KLHL1: variants seen among roughly 807,000 people sequenced by gnomAD.
KLHL1 encodes the protein kelch like family member 1.
Under a neutral mutation model 77.7 loss-of-function variants are expected in KLHL1, and 47 were observed. That is an observed-to-expected ratio of 0.60 (90% CI 0.48 to 0.77). The LOEUF is 0.77. Ranked by LOEUF, KLHL1 falls within the 30% of genes least tolerant of loss-of-function variation. KLHL1 has a pLI of 0.00. For synonymous variants in KLHL1, 360 were observed against 325.2 expected (o/e 1.11, Z -1.15); for missense variants, 925 against 910.8 (o/e 1.02, Z -0.20).
At chr13:70,097,330 C>A (rs1046126231) in intron 1 of KLHL1, among the ~76,000 whole-genome samples, 1 of 151,934 alleles carries the variant, frequency 6.6e-6, no homozygotes, top group Non-Finnish European at 1.5e-5. Flanking sequence ...AGGAAAACTT[C>A]TTTTCTTTGA....
At chr13:69,778,233 T>C (rs1875934740) in intron 7 of KLHL1, among the ~76,000 whole-genome samples, 1 of 152,096 alleles carries the variant, frequency 6.6e-6, no homozygotes, top group Non-Finnish European at 1.5e-5. Flanking sequence ...GTTAGTTATA[T>C]AATCTACGAT....
At chr13:70,070,031 G>A (rs1229783818) in intron 1 of KLHL1, among the ~76,000 whole-genome samples, 1 of 151,964 alleles carries the variant, frequency 6.6e-6, no homozygotes, top group Non-Finnish European at 1.5e-5. Context: ...AGCTGGGTGT[G>A]GTGGCGGGCA....
At chr13:69,734,403 T>C (rs1180978802) in intron 8 of KLHL1, among the ~76,000 whole-genome samples, 1 of 152,150 alleles carries the variant, frequency 6.6e-6, no homozygotes, top group Non-Finnish European at 1.5e-5. Flanking sequence ...CGGGTATTTC[T>C]TTATAGCAAT....
At chr13:69,988,100 A>G (rs977196862) in intron 1 of KLHL1, among the ~76,000 whole-genome samples, 10 of 149,510 alleles carry the variant, frequency 6.7e-5, no homozygotes, top group Admixed American at 1.3e-4. Flanking sequence ...GGCGGGGGGA[A>G]CCTCTCCTTC....
chr13:69,878,726 AGAGAGAGAGT>A (rs1566356795), intron 5 of KLHL1, among the ~76,000 whole-genome samples: 4 of 151,912 alleles, frequency 2.6e-5, no homozygotes, highest in African/African-American at 9.7e-5. Flanking sequence ...AGAGAGAGAG[AGAGAGAGAGT>A]GAGAGAGAGA....
chr13:69,818,216 C>T (rs951565939), intron 6 of KLHL1, among the ~76,000 whole-genome samples: 10 of 129,018 alleles, frequency 7.8e-5, no homozygotes, highest in African/African-American at 2.9e-4. Context: ...AACTCATAGG[C>T]ATCTTTTTTT....
rs1416528091 is a variant in KLHL1, at chr13:69,961,365, T to C, written c.760A>G (p.Lys254Glu). The C allele has an allele frequency of 2.5e-6, 4 of 1,613,224 alleles. No homozygotes were observed. The highest frequency in any genetic ancestry group is 3.4e-6 in the Non-Finnish European group (4 of 1,179,444). Residue 254 changes from lysine (K) to glutamate (E), a missense_variant, in exon 3 of 11, where the codon AAA becomes GAA. Coordinates refer to ENST00000377844, the MANE Select transcript of KLHL1 (RefSeq NM_020866.3). ...GCATTGGGGTCTATGCCTTCCATTT[T>C]GATCTCCTCTTGCTTGGCTTCACAA... The part of the protein sequence containing the change: ...DVCEAKQEEI[K>E]MEGIDPNALW...
chr13:70,094,918 G>C (rs1887751085), intron 1 of KLHL1, among the ~76,000 whole-genome samples: 1 of 152,100 alleles, frequency 6.6e-6, no homozygotes, highest in Non-Finnish European at 1.5e-5. Context: ...AATGACAAGA[G>C]AAGTGAGAAA....
rs7983424 is a variant in KLHL1 at position 70,018,979 on chromosome 13, G to A, written c.498-43177C>T. On this transcript the variant is annotated intron_variant, in intron 1 of 10. Transcript: ENST00000377844. ...AGATATCTGCTAATCAAGTGCTATA[G>A]TAAGTCCATGTAACATTTCAAATTA... Among the ~76,000 whole-genome samples the A allele has an allele frequency of 5.4e-3, 818 of 152,290 alleles. 8 individuals carry two copies. Among genetic ancestry groups the A allele is most frequent in the African/African-American group, 0.019 (783 of 41,554 alleles).
At chr13:69,941,555 G>T (rs957997431) in intron 3 of KLHL1, among the ~76,000 whole-genome samples, 1 of 151,824 alleles carries the variant, frequency 6.6e-6, no homozygotes, top group Non-Finnish European at 1.5e-5. Context: ...AGGAACTAGA[G>T]AAACAAGAAC....
At chr13:69,986,360 T>C (rs933879029) in intron 1 of KLHL1, among the ~76,000 whole-genome samples, 9 of 151,962 alleles carry the variant, frequency 5.9e-5, no homozygotes, top group Admixed American at 3.3e-4. Flanking sequence ...AAATGACAAG[T>C]GCTTGAAGTG....
rs577287380 is a variant in KLHL1 at position 69,787,687 on chromosome 13, G to A, written c.1639+9051C>T. ...GATCTAATTAAACTAAAGAGCTTCT[G>A]CACAGCAAAAGAAACTACCATCAGA... On this transcript the variant is annotated intron_variant, in intron 7 of 10. Transcript: ENST00000377844. Among the ~76,000 whole-genome samples, 21 of 152,254 alleles carry A rather than the reference G, an allele frequency of 1.4e-4. No individual in the cohort carries two copies. The South Asian group carries it at 2.9e-3, about 21-fold the overall frequency.
intron 6 of KLHL1, among the ~76,000 whole-genome samples, chr13:69,814,184 C>T (rs1004800757): frequency 2.0e-5 from 3 of 152,108 alleles, no homozygotes; most frequent in African/African-American, 7.2e-5. Context: ...GGAACACAGG[C>T]TTACCATACG....
At chr13:70,011,321 C>T (rs925489798) in intron 1 of KLHL1, among the ~76,000 whole-genome samples, 2 of 152,052 alleles carry the variant, frequency 1.3e-5, no homozygotes, top group Non-Finnish European at 2.9e-5. Flanking sequence ...CCTGTCAACA[C>T]AGATATTATA....
intron 7 of KLHL1, among the ~76,000 whole-genome samples, chr13:69,766,337 G>A (rs749727306): frequency 6.6e-6 from 1 of 151,892 alleles, no homozygotes; most frequent in Admixed American, 6.6e-5. Flanking sequence ...CAAATGTTGA[G>A]TTCCTGTATT....
At chr13:70,011,427 T>C (rs1055627642) in intron 1 of KLHL1, among the ~76,000 whole-genome samples, 4 of 152,186 alleles carry the variant, frequency 2.6e-5, no homozygotes, top group Admixed American at 2.6e-4. Context: ...TAGTTATTTA[T>C]GCCCTTTTCT....
intron 4 of KLHL1, among the ~76,000 whole-genome samples, chr13:69,893,856 G>A (rs184753479): frequency 5.5e-4 from 83 of 152,224 alleles, no homozygotes; most frequent in African/African-American, 1.9e-3. Flanking sequence ...TTTGTTGTGC[G>A]TGAAAGAGCA....
chr13:69,925,251 G>T (rs4559807), intron 4 of KLHL1, among the ~76,000 whole-genome samples: 53,195 of 152,098 alleles, frequency 0.35, 10,253 homozygotes, highest in Non-Finnish European at 0.43. Context: ...AACACTCATT[G>T]AGCACAGTTC....
chr13:69,782,488 T>TA (rs1373363483), intron 7 of KLHL1, among the ~76,000 whole-genome samples: 1 of 152,146 alleles, frequency 6.6e-6, no homozygotes, highest in East Asian at 1.9e-4. Context: ...CCAACGGGCT[T>TA]AAAAAATGGC....
Sources: gnomAD v4.1 joint callset for allele counts (sites outside exome capture counted in the v4.1 genomes callset) on GRCh38, gnomAD v4.1.1 for gene constraint, MANE v1.5 for transcripts, NCBI Gene and HGNC (gene_info 2026-07-23, HGNC 2026-07-21) for gene names.